Variants in ADAM10 observed in about 807,000 individuals in gnomAD.
ADAM10 encodes the protein ADAM metallopeptidase domain 10, also known as disintegrin and metalloproteinase domain-containing protein 10.
ADAM10 carries 17 observed loss-of-function variants against 90.1 expected under a neutral mutation model. That is an observed-to-expected ratio of 0.19 (90% confidence interval 0.13 to 0.28). The LOEUF is 0.28. Among genes scored for constraint, ADAM10 ranks in the 10% least tolerant of loss-of-function variants. The pLI is 1.00. For synonymous variants in ADAM10, 310 were observed against 298.6 expected, an observed-to-expected ratio of 1.04 and a Z score of -0.40; for missense variants, 610 against 914.3, an observed-to-expected ratio of 0.67 and a Z score of 4.29.
chr15:58,609,541 T>TAC (rs1238412528), intron 14 of ADAM10: 3 of 138,944 alleles, frequency 2.2e-5, no homozygotes, highest in African/African-American at 7.9e-5. Context: ...CACACACACA[T>TAC]ACACACTAAT....
intron 1 of ADAM10, among the ~76,000 whole-genome samples, chr15:58,729,948 C>A (rs966288241): frequency 3.5e-5 from 5 of 141,654 alleles, no homozygotes; most frequent in African/African-American, 7.8e-5. Flanking sequence ...AGCAACAGAA[C>A]GAGGCTCTGT....
intron 1 of ADAM10, among the ~76,000 whole-genome samples, chr15:58,733,322 CCTCA>C (rs1899319515): frequency 6.6e-6 from 1 of 152,172 alleles, no homozygotes; most frequent in African/African-American, 2.4e-5. Context: ...TCATCCCCTC[CCTCA>C]GAGTGGTTTC....
At position 58,590,062 on chromosome 15, in the gene ADAM10, G is replaced by A. The variant is rs766798706; in HGVS notation, c.*7485C>T. On this transcript the variant is annotated 3_prime_UTR_variant, in exon 16 of 16. Transcript: ENST00000260408. ...ATCAGTGCCCAGTATATAACCAATC[G>A]ACATTATTAAAAATTCTATGTAATC... 1.3e-5 allele frequency: 2 copies of A among 151,982 alleles called. No individual in the cohort carries two copies. Among genetic ancestry groups the A allele is most frequent in the Admixed American group, 6.6e-5 (1 of 15,252 alleles). The allele number at this position is 151,982 out of a possible 1,614,324, so 9.4% of individuals were successfully genotyped here.
chr15:58,637,337 G>A (rs1405782859), intron 8 of ADAM10, among the ~76,000 whole-genome samples: 1 of 152,166 alleles, frequency 6.6e-6, no homozygotes, highest in African/African-American at 2.4e-5. Flanking sequence ...GCCGAACTGA[G>A]ACTATGTTCA....
At chr15:58,638,312 A>G (rs527431791) in intron 8 of ADAM10, among the ~76,000 whole-genome samples, 2 of 152,240 alleles carry the variant, frequency 1.3e-5, no homozygotes, top group East Asian at 1.9e-4. Flanking sequence ...GCCAATCACC[A>G]TATTTTTGCT....
chr15:58,616,121 CA>C (rs1210721847), intron 11 of ADAM10, among the ~76,000 whole-genome samples: 1 of 152,144 alleles, frequency 6.6e-6, no homozygotes, highest in African/African-American at 2.4e-5. Flanking sequence ...CCAGAGCACC[CA>C]GATACATAAA....
chr15:58,607,363 T>TA (rs1193914781), intron 14 of ADAM10, among the ~76,000 whole-genome samples: 1 of 152,248 alleles, frequency 6.6e-6, no homozygotes, highest in Non-Finnish European at 1.5e-5. Flanking sequence ...ATTTAGGACT[T>TA]AGTCTTTTCA....
intron 4 of ADAM10, among the ~76,000 whole-genome samples, chr15:58,678,316 T>C (rs1222446397): frequency 6.6e-6 from 1 of 152,032 alleles, no homozygotes; most frequent in African/African-American, 2.4e-5. Flanking sequence ...GTCAGTGTAT[T>C]ACTAGGGGTA....
chr15:58,669,960 TAGAGG>T (rs1296008998), intron 4 of ADAM10, among the ~76,000 whole-genome samples: 1 of 151,518 alleles, frequency 6.6e-6, no homozygotes, highest in African/African-American at 2.4e-5. Flanking sequence ...TAGCGGGGAG[TAGAGG>T]AGAGAAGAAT....
intron 11 of ADAM10, among the ~76,000 whole-genome samples, chr15:58,618,137 T>C (rs1362681072): frequency 2.6e-5 from 4 of 152,104 alleles, no homozygotes; most frequent in Non-Finnish European, 2.9e-5. Flanking sequence ...TACAAAGCTA[T>C]AGCAACTAAA....
At chr15:58,637,636 C>A (rs979942151) in intron 8 of ADAM10, among the ~76,000 whole-genome samples, 16 of 152,020 alleles carry the variant, frequency 1.1e-4, no homozygotes, top group African/African-American at 3.9e-4. Flanking sequence ...TACTAAGAAG[C>A]AGAAAACATT....
intron 10 of ADAM10, among the ~76,000 whole-genome samples, chr15:58,624,307 CAA>C (rs1214877616): frequency 6.6e-6 from 1 of 151,186 alleles, no homozygotes; most frequent in Non-Finnish European, 1.5e-5. Flanking sequence ...AAAACAAAAA[CAA>C]AAAAAACTAG....
chr15:58,719,635 C>A (rs1450739117), intron 1 of ADAM10, among the ~76,000 whole-genome samples: 9 of 152,052 alleles, frequency 5.9e-5, no homozygotes, highest in African/African-American at 2.2e-4. Flanking sequence ...ATTTGTTAGA[C>A]AACAATGTGA....
chr15:58,728,020 C>T (rs1462614062), intron 1 of ADAM10, among the ~76,000 whole-genome samples: 1 of 152,138 alleles, frequency 6.6e-6, no homozygotes, highest in African/African-American at 2.4e-5. Context: ...ACACAAAGAA[C>T]TTGACTAGAT....
At chr15:58,699,180 A>G (rs188900589) in intron 2 of ADAM10, among the ~76,000 whole-genome samples, 1 of 152,360 alleles carries the variant, frequency 6.6e-6, no homozygotes, top group Non-Finnish European at 1.5e-5. Context: ...CTGGCAGCCA[A>G]GATTACACCC....
At chr15:58,617,254 A>G (rs1373709761) in intron 11 of ADAM10, among the ~76,000 whole-genome samples, 1 of 152,148 alleles carries the variant, frequency 6.6e-6, no homozygotes, top group African/African-American at 2.4e-5. Flanking sequence ...AGACGTTATA[A>G]CTGATACCAC....
chr15:58,668,333 T>G (rs1251555735), intron 4 of ADAM10, among the ~76,000 whole-genome samples: 1 of 152,188 alleles, frequency 6.6e-6, no homozygotes, highest in East Asian at 1.9e-4. Flanking sequence ...AATGAAAACT[T>G]GTAACATACT....
chr15:58,682,131 A>T (rs1266376337), intron 3 of ADAM10, 65 bp downstream of exon 3: 2 of 1,594,902 alleles, frequency 1.3e-6, no homozygotes, highest in East Asian at 4.5e-5. Context: ...TTACACTTCA[A>T]AATGAGTATC....
At chr15:58,729,305 T>C (rs1207562206) in intron 1 of ADAM10, among the ~76,000 whole-genome samples, 2 of 152,264 alleles carry the variant, frequency 1.3e-5, no homozygotes, top group Non-Finnish European at 2.9e-5. Flanking sequence ...TGTTTATGGA[T>C]GTTTAAGTCT....
Sources: allele counts gnomAD v4.1 joint callset (sites outside exome capture counted in the v4.1 genomes callset), GRCh38; gene constraint gnomAD v4.1.1; transcripts MANE v1.5; gene names NCBI Gene and HGNC (gene_info 2026-07-23, HGNC 2026-07-21).